ASIC2: variants seen among roughly 807,000 people sequenced by gnomAD.
The protein encoded by ASIC2 is acid sensing ion channel subunit 2, also known as acid-sensing ion channel 2.
A neutral mutation model predicts 57.3 loss-of-function variants in ASIC2; 25 were observed. The observed-to-expected ratio is 0.44, with a 90% CI of 0.32 to 0.61. ASIC2 has a LOEUF of 0.61. Among genes scored for constraint, ASIC2 ranks in the 20% least tolerant of loss-of-function variants. ASIC2 has a pLI of 0.06. For synonymous variants in ASIC2, 319 were observed against 307.5 expected (o/e 1.04, Z -0.39); for missense variants, 641 against 738.1 (o/e 0.87, Z 1.52).
chr17:33,910,705 A>G (rs1198860756), intron 1 of ASIC2, among the ~76,000 whole-genome samples: 1 of 152,172 alleles, frequency 6.6e-6, no homozygotes, highest in Middle Eastern at 3.2e-3. Flanking sequence ...GCACTCAATA[A>G]ACACTACTGG....
At chr17:33,014,809 G>A (rs1407612736) in intron 9 of ASIC2, among the ~76,000 whole-genome samples, 1 of 152,214 alleles carries the variant, frequency 6.6e-6, no homozygotes, top group African/African-American at 2.4e-5. Context: ...GAGGGCTCTG[G>A]GGGTGCAAAG....
intron 1 of ASIC2, among the ~76,000 whole-genome samples, chr17:33,912,229 C>G (rs1915484123): frequency 6.7e-6 from 1 of 150,304 alleles, no homozygotes; most frequent in African/African-American, 2.5e-5. Flanking sequence ...TGTGGTGGCT[C>G]ACGCCTGTAA....
chr17:33,197,421 T>C (rs1200904501), intron 1 of ASIC2, among the ~76,000 whole-genome samples: 1 of 152,224 alleles, frequency 6.6e-6, no homozygotes, highest in Non-Finnish European at 1.5e-5. Flanking sequence ...CTTCCATCTG[T>C]ACCCTTCCTT....
At chr17:33,516,275 C>T (rs1914564503) in intron 1 of ASIC2, among the ~76,000 whole-genome samples, 1 of 152,164 alleles carries the variant, frequency 6.6e-6, no homozygotes, top group Non-Finnish European at 1.5e-5. Context: ...ACAACCAGAA[C>T]GTGCAGTTTG....
chr17:33,653,030 T>G (rs1389778470), intron 1 of ASIC2, among the ~76,000 whole-genome samples: 1 of 152,214 alleles, frequency 6.6e-6, no homozygotes, highest in Non-Finnish European at 1.5e-5. Flanking sequence ...CTTTATGCCT[T>G]AGCTACATGT....
intron 1 of ASIC2, among the ~76,000 whole-genome samples, chr17:33,226,515 C>T (rs533843319): frequency 6.6e-6 from 1 of 152,166 alleles, no homozygotes; most frequent in Non-Finnish European, 1.5e-5. Context: ...CAGAAGCCAG[C>T]AAGGAAAAGA....
At chr17:33,780,312 T>G (rs958993196) in intron 1 of ASIC2, among the ~76,000 whole-genome samples, 2 of 152,102 alleles carry the variant, frequency 1.3e-5, no homozygotes, top group African/African-American at 4.8e-5. Flanking sequence ...CTGCCTCCCC[T>G]GGGTGGCAGA....
intron 1 of ASIC2, among the ~76,000 whole-genome samples, chr17:33,618,942 ATTC>A (rs1373009866): frequency 6.6e-6 from 1 of 152,034 alleles, no homozygotes; most frequent in Non-Finnish European, 1.5e-5. Flanking sequence ...ATCCCTAATC[ATTC>A]TTCAAATTCC....
At chr17:33,544,264 C>T (rs1169361344) in intron 1 of ASIC2, among the ~76,000 whole-genome samples, 1 of 152,156 alleles carries the variant, frequency 6.6e-6, no homozygotes, top group Non-Finnish European at 1.5e-5. Context: ...ATAAGGTATA[C>T]CCCACTTTGT....
intron 1 of ASIC2, among the ~76,000 whole-genome samples, chr17:33,926,985 G>A (rs1915836403): frequency 6.6e-6 from 1 of 151,958 alleles, no homozygotes; most frequent in African/African-American, 2.4e-5. Flanking sequence ...GGAGTGCAGT[G>A]GCACAATCTC....
chr17:34,002,652 C>G (rs1436481493), intron 1 of ASIC2: 1 of 152,192 alleles, frequency 6.6e-6, no homozygotes, highest in South Asian at 2.1e-4. Context: ...TTTCCTCAGT[C>G]CAAGGGAAAC....
At chr17:33,685,136 A>G (rs1027345435) in intron 1 of ASIC2, among the ~76,000 whole-genome samples, 2 of 152,150 alleles carry the variant, frequency 1.3e-5, no homozygotes, top group Admixed American at 6.5e-5. Flanking sequence ...TTTCACTGAG[A>G]GGAGAGACGT....
intron 1 of ASIC2, among the ~76,000 whole-genome samples, chr17:33,189,415 C>A (rs1332819744): frequency 6.6e-6 from 1 of 152,124 alleles, no homozygotes; most frequent in African/African-American, 2.4e-5. Context: ...GAAAAGGGAA[C>A]AAAGACCAGA....
chr17:33,891,627 T>C (rs903592376), intron 1 of ASIC2, among the ~76,000 whole-genome samples: 6 of 152,194 alleles, frequency 3.9e-5, no homozygotes, highest in African/African-American at 1.2e-4. Context: ...AGTTAACACA[T>C]TTCATTTTTC....
chr17:33,878,232 C>A (rs1225977646), intron 1 of ASIC2, among the ~76,000 whole-genome samples: 1 of 152,206 alleles, frequency 6.6e-6, no homozygotes, highest in African/African-American at 2.4e-5. Flanking sequence ...CACCTCCTCA[C>A]CAGCAACAGA....
At position 33,689,926 on chromosome 17, in the gene ASIC2, C is replaced by T. The variant is rs189773048; in HGVS notation, c.555+466052G>A. On this transcript the variant is annotated intron_variant, in intron 1 of 9. Coordinates refer to the ASIC2 transcript ENST00000359872. ...AAGGAAGATTTCTACCCTGGAGCCT[C>T]CAGAGGGCGTGCAGCCCTGCTGATA... 1.1e-3 allele frequency among the ~76,000 whole-genome samples: 161 copies of T among 152,340 alleles called. 1 individual carries two copies. The highest frequency in any genetic ancestry group is 1.7e-3 in the Non-Finnish European group (117 of 68,032).
At chr17:33,332,688 C>T (rs935732066) in intron 1 of ASIC2, among the ~76,000 whole-genome samples, 1 of 151,938 alleles carries the variant, frequency 6.6e-6, no homozygotes, top group African/African-American at 2.4e-5. Flanking sequence ...GTCAGGAGTT[C>T]GAGAGCAGCC....
chr17:33,371,316 C>T (rs1909050234), intron 1 of ASIC2, among the ~76,000 whole-genome samples: 1 of 152,186 alleles, frequency 6.6e-6, no homozygotes, highest in Non-Finnish European at 1.5e-5. Context: ...TCCTAGCCCT[C>T]ACTCAAGATG....
At chr17:33,278,521 T>C (rs939011585) in intron 1 of ASIC2, among the ~76,000 whole-genome samples, 2 of 151,894 alleles carry the variant, frequency 1.3e-5, no homozygotes, top group African/African-American at 4.8e-5. Flanking sequence ...GCTTCTCCCC[T>C]ATAAATTCTG....
Sources: gnomAD v4.1 joint callset for allele counts (sites outside exome capture counted in the v4.1 genomes callset) on GRCh38, gnomAD v4.1.1 for gene constraint, MANE v1.5 for transcripts, NCBI Gene and HGNC (gene_info 2026-07-23, HGNC 2026-07-21) for gene names.